The following PLD5 variants were observed in gnomAD, a reference collection of about 807,000 sequenced individuals.
PLD5 encodes the protein inactive phospholipase D5.
In PLD5, 36 loss-of-function variants were observed where a neutral mutation model predicts 61.1. The ratio of observed to expected loss-of-function variants is 0.59; its 90% CI spans 0.45 to 0.78. PLD5 has a LOEUF of 0.78. Among genes scored for constraint, PLD5 ranks in the 30% least tolerant of loss-of-function variants. PLD5 has a pLI of 0.00. For synonymous variants in PLD5, 243 were observed against 242.8 expected, an observed-to-expected ratio of 1.00 and a Z score of -0.01; for missense variants, 515 against 644.4, an observed-to-expected ratio of 0.80 and a Z score of 2.17.
chr1:242,376,086 G>A (rs760488843), intron 1 of PLD5, among the ~76,000 whole-genome samples: 25 of 152,112 alleles, frequency 1.6e-4, no homozygotes, highest in Non-Finnish European at 2.6e-4. Flanking sequence ...GTCTAACTAC[G>A]TATTTGCAAC....
intron 3 of PLD5, among the ~76,000 whole-genome samples, chr1:242,287,932 G>T (rs552523481): frequency 3.9e-5 from 6 of 152,262 alleles, no homozygotes; most frequent in African/African-American, 9.6e-5. Context: ...ATGTGGCTGT[G>T]GGTGAATTAT....
At position 242,087,253 on chromosome 1, in the gene PLD5, TCTG is replaced by T; in HGVS notation, c.*2598_*2600del. 6.6e-6 allele frequency: 1 copy of T among 152,280 alleles called. No individual in the cohort carries two copies. Among genetic ancestry groups the T allele is most frequent in the Non-Finnish European group, 1.5e-5 (1 of 68,038 alleles). The allele number at this position is 152,280 out of a possible 1,614,324, so 9.4% of individuals were successfully genotyped here. ...AGGGGCTTGCTGTGTCTGGTAGGCA[TCTG>T]CTGCTGCTGCTTGGCAGAAAAGCCT... On this transcript the variant is annotated 3_prime_UTR_variant, in exon 10 of 10. Transcript: ENST00000536534.
intron 1 of PLD5, among the ~76,000 whole-genome samples, chr1:242,486,515 C>T (rs1032115130): frequency 3.9e-5 from 6 of 152,160 alleles, no homozygotes; most frequent in African/African-American, 1.2e-4. Context: ...AATGAGATAC[C>T]ATCTCACACC....
At chr1:242,295,165 C>A (rs1328022251) in intron 2 of PLD5, among the ~76,000 whole-genome samples, 3 of 152,060 alleles carry the variant, frequency 2.0e-5, no homozygotes, top group Non-Finnish European at 2.9e-5. Flanking sequence ...TTCAGGGGTA[C>A]ACACGCAGGT....
chr1:242,471,890 G>C (rs1182207053), intron 1 of PLD5, among the ~76,000 whole-genome samples: 1 of 152,150 alleles, frequency 6.6e-6, no homozygotes, highest in Non-Finnish European at 1.5e-5. Flanking sequence ...CCAGTTTATG[G>C]AGTATTTGAA....
At position 242,333,725 on chromosome 1, in the gene PLD5, C is replaced by T. The variant is rs150392752; in HGVS notation, c.326+14381G>A. Among the ~76,000 whole-genome samples the T allele has an allele frequency of 1.9e-3, 290 of 152,208 alleles. 2 individuals are homozygous for T. Among genetic ancestry groups the T allele is most frequent in the Middle Eastern group, 6.8e-3 (2 of 294 alleles). ...CCTCATGAGATCCACAATTTTAGTT[C>T]CCACATATGAGTGAGAACATACGAT... On this transcript the variant is annotated intron_variant, in intron 2 of 9. Coordinates refer to ENST00000536534, the MANE Select transcript of PLD5 (RefSeq NM_001372062.1).
At chr1:242,145,056 C>T (rs1664451045) in intron 5 of PLD5, among the ~76,000 whole-genome samples, 1 of 152,162 alleles carries the variant, frequency 6.6e-6, no homozygotes, top group Non-Finnish European at 1.5e-5. Flanking sequence ...CTATTATTAG[C>T]CCACAGCTAA....
intron 6 of PLD5, among the ~76,000 whole-genome samples, chr1:242,119,274 C>T (rs1662187455): frequency 6.6e-6 from 1 of 152,072 alleles, no homozygotes; most frequent in South Asian, 2.1e-4. Context: ...AAAGTATATA[C>T]TCTATTTGTA....
At chr1:242,397,811 A>G (rs1316046605) in intron 1 of PLD5, among the ~76,000 whole-genome samples, 3 of 146,510 alleles carry the variant, frequency 2.0e-5, no homozygotes, top group Non-Finnish European at 3.0e-5. Context: ...TAGCCTCAAC[A>G]TCTCTCAGAG....
intron 1 of PLD5, among the ~76,000 whole-genome samples, chr1:242,348,452 C>T (rs1327341013): frequency 6.6e-6 from 1 of 152,042 alleles, no homozygotes; most frequent in Non-Finnish European, 1.5e-5. Flanking sequence ...AAGTGATAGA[C>T]CCTGTTAAAT....
At chr1:242,438,630 G>C (rs1666125833) in intron 1 of PLD5, among the ~76,000 whole-genome samples, 1 of 151,976 alleles carries the variant, frequency 6.6e-6, no homozygotes, top group Non-Finnish European at 1.5e-5. Flanking sequence ...TTTTAGTAGA[G>C]ACGGGGGTTT....
chr1:242,449,367 C>A (rs1221565726), intron 1 of PLD5: 3 of 1,536,130 alleles, frequency 2.0e-6, no homozygotes, highest in South Asian at 1.2e-5. Context: ...TGCGACCAAT[C>A]TTCCTTCCCT....
chr1:242,454,486 A>C (rs1666886918), intron 1 of PLD5, among the ~76,000 whole-genome samples: 1 of 152,202 alleles, frequency 6.6e-6, no homozygotes, highest in Non-Finnish European at 1.5e-5. Flanking sequence ...AAAAAGAAAA[A>C]AATGAGGTCA....
intron 1 of PLD5, among the ~76,000 whole-genome samples, chr1:242,446,134 G>A (rs1405387531): frequency 1.3e-5 from 2 of 151,798 alleles, no homozygotes; most frequent in Non-Finnish European, 2.9e-5. Context: ...CACAATGAGT[G>A]TAACATAGAA....
intron 2 of PLD5, among the ~76,000 whole-genome samples, chr1:242,329,698 C>A (rs573609494): frequency 4.1e-4 from 63 of 152,306 alleles, no homozygotes; most frequent in Non-Finnish European, 7.1e-4. Flanking sequence ...TCCATATCAT[C>A]GGGGGAGTTT....
intron 6 of PLD5, among the ~76,000 whole-genome samples, chr1:242,116,991 C>A (rs1226542941): frequency 6.6e-6 from 1 of 152,190 alleles, no homozygotes; most frequent in African/African-American, 2.4e-5. Context: ...TACTCTTGAT[C>A]ACTCAGTAAG....
At chr1:242,333,780 C>T (rs1028425127) in intron 2 of PLD5, among the ~76,000 whole-genome samples, 3 of 152,112 alleles carry the variant, frequency 2.0e-5, no homozygotes, top group African/African-American at 4.8e-5. Context: ...GCTTATTTAA[C>T]ATAATGACCT....
chr1:242,111,036 G>T (rs1037973181), intron 7 of PLD5, among the ~76,000 whole-genome samples: 1 of 151,002 alleles, frequency 6.6e-6, no homozygotes, highest in East Asian at 1.9e-4. Flanking sequence ...AAATCAGGAA[G>T]AAGTGAAATA....
At chr1:242,490,440 A>C (rs1263480654) in intron 1 of PLD5, among the ~76,000 whole-genome samples, 1 of 152,196 alleles carries the variant, frequency 6.6e-6, no homozygotes, top group African/African-American at 2.4e-5. Flanking sequence ...TTTCTCTTAA[A>C]TATAAACTTT....
Sources: gnomAD v4.1 joint callset for allele counts (sites outside exome capture counted in the v4.1 genomes callset) on GRCh38, gnomAD v4.1.1 for gene constraint, MANE v1.5 for transcripts, NCBI Gene and HGNC (gene_info 2026-07-23, HGNC 2026-07-21) for gene names.